BMP2K: variants seen among roughly 807,000 people sequenced by gnomAD.
BMP2K encodes BMP2 inducible kinase, also known as BMP-2-inducible protein kinase.
A neutral mutation model predicts 116.0 loss-of-function variants in BMP2K; 74 were observed. The ratio of observed to expected loss-of-function variants is 0.64; its 90% CI spans 0.53 to 0.77. The LOEUF is 0.77. Among genes scored for constraint, BMP2K ranks in the 30% least tolerant of loss-of-function variants. The probability of loss-of-function intolerance (pLI) is 0.00; values close to 1 mark genes in which losing one functional copy is unlikely to be tolerated. For missense variants in BMP2K, 1,365 were observed against 1,403.6 expected (o/e 0.97, Z 0.44); for synonymous variants, 486 against 502.5 (o/e 0.97, Z 0.44).
At chr4:78,909,996 A>AT (rs1734496931) in intron 15 of BMP2K, among the ~76,000 whole-genome samples, 1 of 152,224 alleles carries the variant, frequency 6.6e-6, no homozygotes, top group Non-Finnish European at 1.5e-5. Context: ...AGATATTATA[A>AT]TTAAAGGAAG....
At chr4:78,827,832 T>C (rs1295202542) in intron 2 of BMP2K, among the ~76,000 whole-genome samples, 1 of 152,232 alleles carries the variant, frequency 6.6e-6, no homozygotes, top group African/African-American at 2.4e-5. Context: ...ACGTTTTTAC[T>C]TTCTTTGATC....
rs1021174449 is a variant in BMP2K, at chr4:78,910,789, C to T, written c.2242C>T (p.Pro748Ser). 5.0e-6 allele frequency: 8 copies of T among 1,613,730 alleles called. No individual in the cohort carries two copies. Among genetic ancestry groups the T allele is most frequent in the Non-Finnish European group, 5.1e-6 (6 of 1,179,818 alleles). The change falls in exon 16 of 16, where the codon CCC becomes TCC. Residue 748 changes from proline to serine, a missense_variant. Pro to Ser is a moderately conservative substitution (Grantham distance 74, BLOSUM62 -1). This residue lies in a region of BMP2K where 596 missense variants were observed against 623.2 expected (regional missense o/e 0.96). Coordinates refer to ENST00000502613, the MANE Select transcript of BMP2K (RefSeq NM_198892.2). ...DESESDFESDPPSPKSSEEEE... is the reference protein window; with the variant it reads ...DESESDFESDSPSPKSSEEEE... ...ATCTGAAAGTGATTTTGAATCAGAT[C>T]CCCCTTCTCCTAAGAGCAGTGAAGA...
intron 1 of BMP2K, among the ~76,000 whole-genome samples, chr4:78,821,233 G>A (rs1242397479): frequency 6.6e-6 from 1 of 152,186 alleles, no homozygotes; most frequent in Non-Finnish European, 1.5e-5. Context: ...AAAGAGTGAA[G>A]TTCTAAAGTG....
intron 3 of BMP2K, among the ~76,000 whole-genome samples, chr4:78,839,583 G>A (rs1401005987): frequency 6.6e-6 from 1 of 152,128 alleles, no homozygotes; most frequent in African/African-American, 2.4e-5. Flanking sequence ...ATTAGTCAGG[G>A]TTTTCTAGAG....
At chr4:78,909,991 T>C (rs1360314652) in intron 15 of BMP2K, among the ~76,000 whole-genome samples, 1 of 152,224 alleles carries the variant, frequency 6.6e-6, no homozygotes, top group Non-Finnish European at 1.5e-5. Context: ...TGTATAGATA[T>C]TATAATTAAA....
intron 9 of BMP2K, among the ~76,000 whole-genome samples, chr4:78,862,739 C>A (rs1731855454): frequency 6.6e-6 from 1 of 152,030 alleles, no homozygotes; most frequent in Admixed American, 6.6e-5. Flanking sequence ...TTGCGAATGA[C>A]TTATTTTAAA....
Position 78,871,015 on chromosome 4 carries a change from C to T in BMP2K, c.1464C>T (p.His488=), listed in dbSNP as rs775319075. ...QQQQQQQQQH[H]HHHHHHLLQD... is the part of the protein sequence containing the mutation. Reference sequence around the variant, plus strand: ...AGCAGCAGCAGCAGCAGCAGCACCACCACCACCACCACCACCACCTACTTC... The same window carrying T: ...AGCAGCAGCAGCAGCAGCAGCACCATCACCACCACCACCACCACCTACTTC... Residue 488 remains histidine, a synonymous_variant, in exon 11 of 16, where the codon CAC becomes CAT. Transcript: ENST00000502613. The T allele has an allele frequency of 1.2e-6, 2 of 1,603,896 alleles. No individual in the cohort carries two copies. The highest frequency in any genetic ancestry group is 1.7e-6 in the Non-Finnish European group (2 of 1,178,154).
chr4:78,811,073 A>G (rs572088396), intron 1 of BMP2K, among the ~76,000 whole-genome samples: 1 of 152,210 alleles, frequency 6.6e-6, no homozygotes, highest in Admixed American at 6.5e-5. Context: ...TTTCAGTGAT[A>G]CCTTTTCTAA....
At chr4:78,904,252 A>T (rs922626041) in intron 15 of BMP2K, among the ~76,000 whole-genome samples, 4 of 151,914 alleles carry the variant, frequency 2.6e-5, no homozygotes, top group African/African-American at 4.8e-5. Flanking sequence ...TCTAAGAAAG[A>T]TCATAGTAAA....
At chr4:78,832,628 G>A (rs1035988226) in intron 2 of BMP2K, among the ~76,000 whole-genome samples, 2 of 152,120 alleles carry the variant, frequency 1.3e-5, no homozygotes, top group African/African-American at 4.8e-5. Flanking sequence ...AGATATTATA[G>A]TCTTGTACTT....
chr4:78,910,887 A>C lies in BMP2K; in HGVS notation c.2340A>C (p.Glu780Asp). 1 of 1,613,986 alleles carries C rather than the reference A, an allele frequency of 6.2e-7. No individual in the cohort carries two copies. The highest frequency in any genetic ancestry group is 8.5e-7 in the Non-Finnish European group (1 of 1,179,878). ...TTAATGATGATGATACTGAACCAGA[A>C]AATCTGGGTCATAGGCCTCTCCTCA... ...GDFNDDDTEP[E>D]NLGHRPLLMD... Residue 780 changes from glutamate (E) to aspartate (D), a missense_variant, in exon 16 of 16, where the codon GAA becomes GAC. This residue lies in a region of BMP2K where 596 missense variants were observed against 623.2 expected (regional missense o/e 0.96). Coordinates refer to ENST00000502613, the MANE Select transcript of BMP2K (RefSeq NM_198892.2).
chr4:78,777,907 T>C (rs1727322078), intron 1 of BMP2K, among the ~76,000 whole-genome samples: 1 of 152,234 alleles, frequency 6.6e-6, no homozygotes, highest in South Asian at 2.1e-4. Flanking sequence ...GAACCATTGC[T>C]CAGAATAATG....
chr4:78,861,823 G>A (rs1226723939), intron 9 of BMP2K, among the ~76,000 whole-genome samples: 3 of 151,450 alleles, frequency 2.0e-5, no homozygotes, highest in African/African-American at 7.3e-5. Flanking sequence ...TTAATTTAAG[G>A]AAAGAAAAAA....
chr4:78,886,676 A>C (rs1047780009), intron 14 of BMP2K, among the ~76,000 whole-genome samples: 3 of 152,180 alleles, frequency 2.0e-5, no homozygotes, highest in African/African-American at 7.2e-5. Flanking sequence ...TGTGTGCGAG[A>C]GAGAGAATGG....
intron 15 of BMP2K, chr4:78,899,016 C>T (rs1419516407): frequency 1.3e-5 from 2 of 152,562 alleles, no homozygotes; most frequent in East Asian, 1.9e-4. Flanking sequence ...AGGGGGACCA[C>T]CAGGTTGCCT....
intron 1 of BMP2K, among the ~76,000 whole-genome samples, chr4:78,793,288 T>C (rs1175687977): frequency 2.0e-5 from 3 of 151,308 alleles, no homozygotes. Flanking sequence ...CGGGCGCCTG[T>C]AGTCCTAGCT....
chr4:78,831,101 G>C (rs1730184931), intron 2 of BMP2K, among the ~76,000 whole-genome samples: 1 of 152,158 alleles, frequency 6.6e-6, no homozygotes, highest in Non-Finnish European at 1.5e-5. Flanking sequence ...CTTCAGTATT[G>C]TTGTGTTTTA....
At chr4:78,779,808 C>A (rs1186979048) in intron 1 of BMP2K, among the ~76,000 whole-genome samples, 2 of 152,152 alleles carry the variant, frequency 1.3e-5, no homozygotes, top group Non-Finnish European at 2.9e-5. Context: ...TACTTTGTAT[C>A]ATAATGTCTT....
chr4:78,793,963 A>G (rs1351892293), intron 1 of BMP2K, among the ~76,000 whole-genome samples: 3 of 152,154 alleles, frequency 2.0e-5, no homozygotes, highest in Admixed American at 6.5e-5. Context: ...GATCTATAGT[A>G]TACAGTTTAC....
Sources: gnomAD v4.1 joint callset for allele counts (sites outside exome capture counted in the v4.1 genomes callset) on GRCh38, gnomAD v4.1.1 for gene constraint, gnomAD v4.1.1 regional missense constraint, MANE v1.5 for transcripts, NCBI Gene and HGNC (gene_info 2026-07-23, HGNC 2026-07-21) for gene names.